CIMAP2: variants seen among roughly 807,000 people sequenced by gnomAD.
The protein encoded by CIMAP2 is ciliary microtubule-associated protein 2.
chr1:54,813,669 TGGCCC>T, the CIMAP2 span: 11 of 799,596 alleles, frequency 1.4e-5, no homozygotes, highest in Admixed American at 1.8e-4. Flanking sequence ...GCCTTGAGGC[TGGCCC>T]GGCCTCCGGC....
the CIMAP2 span, among the ~76,000 whole-genome samples, chr1:54,822,841 C>T: frequency 1.3e-5 from 2 of 152,300 alleles, no homozygotes; most frequent in South Asian, 4.1e-4. Flanking sequence ...AGTGGTCTTT[C>T]AGGAACATGT....
the CIMAP2 span, among the ~76,000 whole-genome samples, chr1:54,816,112 G>A: frequency 2.0e-5 from 3 of 152,220 alleles, no homozygotes; most frequent in African/African-American, 7.2e-5. Flanking sequence ...CTACCACAGA[G>A]CCAGCCACTG....
chr1:54,838,249 G>A, the CIMAP2 span, among the ~76,000 whole-genome samples: 2 of 152,094 alleles, frequency 1.3e-5, no homozygotes, highest in African/African-American at 2.4e-5. Flanking sequence ...TTGGGAGGCT[G>A]AGGCAGGCAG....
At chr1:54,806,116 C>T in the CIMAP2 span, 2 of 1,534,158 alleles carry the variant, frequency 1.3e-6, no homozygotes, top group East Asian at 4.9e-5. Context: ...GCAGGCCTGC[C>T]ATGAGGGAAA....
At chr1:54,839,126 A>G in the CIMAP2 span, among the ~76,000 whole-genome samples, 22 of 64,172 alleles carry the variant, frequency 3.4e-4, no homozygotes, top group African/African-American at 7.9e-4. Context: ...TCTTCCAGGG[A>G]GGAGAAAAAA....
the CIMAP2 span, among the ~76,000 whole-genome samples, chr1:54,813,604 C>T: frequency 2.0e-5 from 3 of 152,154 alleles, no homozygotes. Flanking sequence ...CTAACCCCGC[C>T]CCGACCCGCT....
the CIMAP2 span, among the ~76,000 whole-genome samples, chr1:54,827,060 AAC>A: frequency 6.6e-6 from 1 of 152,252 alleles, no homozygotes; most frequent in Non-Finnish European, 1.5e-5. Context: ...TATGAAATGA[AAC>A]ACTTTTTGGG....
chr1:54,841,963 G>A, the CIMAP2 span: 1 of 1,344,010 alleles, frequency 7.4e-7, no homozygotes, highest in Non-Finnish European at 1.0e-6. Context: ...TGGGAGTGGG[G>A]TGTCTTAGAG....
the CIMAP2 span, among the ~76,000 whole-genome samples, chr1:54,813,633 T>A: frequency 6.4e-4 from 96 of 151,044 alleles, 1 homozygote; most frequent in African/African-American, 2.3e-3. Flanking sequence ...AAAGACTGTC[T>A]GTTTCCACCA....
At chr1:54,806,946 G>C in the CIMAP2 span, 1 of 1,547,038 alleles carries the variant, frequency 6.5e-7, no homozygotes, top group African/African-American at 1.4e-5. Context: ...GCCCACGCCA[G>C]GGCCAGGTGC....
the CIMAP2 span, chr1:54,806,192 G>A: frequency 7.8e-6 from 12 of 1,548,344 alleles, no homozygotes; most frequent in South Asian, 1.1e-4. Context: ...GTGGTTCACC[G>A]GGGCGCCCTT....
chr1:54,834,380 T>A, the CIMAP2 span, among the ~76,000 whole-genome samples: 1 of 152,224 alleles, frequency 6.6e-6, no homozygotes, highest in Non-Finnish European at 1.5e-5. Flanking sequence ...CAGGATCTGA[T>A]AACTCCATGA....
the CIMAP2 span, among the ~76,000 whole-genome samples, chr1:54,826,000 T>C: frequency 9.9e-5 from 15 of 152,154 alleles, no homozygotes; most frequent in African/African-American, 3.4e-4. Context: ...CTGGACAACA[T>C]GCACAAGCCC....
chr1:54,834,233 A>AT, the CIMAP2 span, among the ~76,000 whole-genome samples: 2 of 152,084 alleles, frequency 1.3e-5, no homozygotes, highest in African/African-American at 4.8e-5. Flanking sequence ...GTCTTCCCTG[A>AT]TTTTTTTCCA....
the CIMAP2 span, among the ~76,000 whole-genome samples, chr1:54,819,830 C>CTTTCTTTCTTTCTTTCTTT: frequency 3.6e-5 from 4 of 111,794 alleles, no homozygotes. Context: ...CTTTCTCTTT[C>CTTTCTTTCTTTCTTTCTTT]TTTCTTTCTC....
the CIMAP2 span, among the ~76,000 whole-genome samples, chr1:54,822,231 G>C: frequency 5.9e-5 from 9 of 152,200 alleles, no homozygotes; most frequent in Admixed American, 2.6e-4. Context: ...GCTCTGGCTA[G>C]GACTTCCAGT....
the CIMAP2 span, among the ~76,000 whole-genome samples, chr1:54,818,754 G>A: frequency 2.2e-5 from 2 of 92,676 alleles, no homozygotes; most frequent in Admixed American, 1.0e-4. Flanking sequence ...ACCACACCCG[G>A]CTAATTTTTG....
At chr1:54,817,449 G>T in the CIMAP2 span, among the ~76,000 whole-genome samples, 1 of 152,138 alleles carries the variant, frequency 6.6e-6, no homozygotes, top group Admixed American at 6.5e-5. Flanking sequence ...CCTTAAATCT[G>T]CCACCCAGAG....
At chr1:54,808,614 G>GGGGGC in the CIMAP2 span, among the ~76,000 whole-genome samples, 1 of 139,062 alleles carries the variant, frequency 7.2e-6, no homozygotes, top group Non-Finnish European at 1.6e-5. Flanking sequence ...GGTGCTGCCG[G>GGGGGC]GGGAGGGCAG....
Sources: gnomAD v4.1 joint callset for allele counts (sites outside exome capture counted in the v4.1 genomes callset) on GRCh38, gnomAD v4.1.1 for gene constraint, MANE v1.5 for transcripts, NCBI Gene and HGNC (gene_info 2026-07-23, HGNC 2026-07-21) for gene names.